The following JARID2 variants were observed in gnomAD, a reference collection of about 807,000 sequenced individuals.
JARID2 encodes protein Jumonji.
Under a neutral mutation model 125.6 loss-of-function variants are expected in JARID2, and 21 were observed. That is an observed-to-expected ratio of 0.17 (90% CI 0.12 to 0.24). The LOEUF (loss-of-function observed/expected upper bound fraction) is 0.24, where lower values mean the gene tolerates loss of function less well. Ranked by LOEUF, JARID2 falls within the 10% of genes least tolerant of loss-of-function variation. The pLI, the probability that JARID2 is intolerant of heterozygous loss-of-function variation, is 1.00. For missense variants in JARID2, 1,303 were observed against 1,639.6 expected (o/e 0.79, Z 3.55); for synonymous variants, 736 against 661.6 (o/e 1.11, Z -1.73).
intron 2 of JARID2, among the ~76,000 whole-genome samples, chr6:15,402,861 G>C (rs1353705998): frequency 6.6e-6 from 1 of 152,102 alleles, no homozygotes; most frequent in Admixed American, 6.6e-5. Flanking sequence ...GTGTTTGACT[G>C]GGTTGTCAGT....
intron 1 of JARID2, among the ~76,000 whole-genome samples, chr6:15,274,916 A>T (rs909929671): frequency 2.6e-5 from 4 of 152,132 alleles, no homozygotes; most frequent in Non-Finnish European, 5.9e-5. Context: ...AGCCTTCTGG[A>T]ATGTTCTTTC....
chr6:15,468,937 TA>T (rs1768881891), intron 5 of JARID2, among the ~76,000 whole-genome samples: 1 of 152,056 alleles, frequency 6.6e-6, no homozygotes, highest in Non-Finnish European at 1.5e-5. Context: ...GAGATGATGG[TA>T]AATTCTATAA....
chr6:15,519,880 G>A (rs1194282017), intron 17 of JARID2, among the ~76,000 whole-genome samples, 189 bp from the exon 18 acceptor site: 1 of 152,124 alleles, frequency 6.6e-6, no homozygotes, highest in Non-Finnish European at 1.5e-5. Flanking sequence ...CTGCTATGTG[G>A]CATCAGGAGG....
chr6:15,273,585 C>T (rs1257512500), intron 1 of JARID2, among the ~76,000 whole-genome samples: 1 of 152,162 alleles, frequency 6.6e-6, no homozygotes, highest in Non-Finnish European at 1.5e-5. Flanking sequence ...CCTGTAATCC[C>T]AGCTACTTGG....
rs56268949 is a variant in JARID2, at chr6:15,486,806, C to CTTTTTTTTTTTTTTTTT, written c.671-499_671-483dup. 5.4e-4 allele frequency among the ~76,000 whole-genome samples: 54 copies of CTTTTTTTTTTTTTTTTT among 100,526 alleles called. 8 individuals are homozygous for CTTTTTTTTTTTTTTTTT. The highest frequency in any genetic ancestry group is 1.6e-3 in the African/African-American group (33 of 20,922). The allele number at this position is 100,526 out of a possible 152,430, so 65.9% of individuals were successfully genotyped here. ...CATCTCTTTTAAATCTGAGAATAGA[C>CTTTTTTTTTTTTTTTTT]TTTTTTTTTTTTTTTTTTGAGACAG... On this transcript the variant is annotated intron_variant, in intron 5 of 17. Transcript: ENST00000341776.
chr6:15,266,801 C>A (rs1760100454), intron 1 of JARID2, among the ~76,000 whole-genome samples: 1 of 152,120 alleles, frequency 6.6e-6, no homozygotes, highest in Non-Finnish European at 1.5e-5. Flanking sequence ...CCCAGGAGAC[C>A]TCGCCAGTGG....
At chr6:15,429,154 C>T (rs955855460) in intron 3 of JARID2, among the ~76,000 whole-genome samples, 1 of 152,046 alleles carries the variant, frequency 6.6e-6, no homozygotes, top group African/African-American at 2.4e-5. Flanking sequence ...TTTGTATCCC[C>T]AATGGTGGCA....
intron 2 of JARID2, among the ~76,000 whole-genome samples, chr6:15,393,773 G>C (rs1002066786): frequency 1.3e-5 from 2 of 152,150 alleles, no homozygotes; most frequent in Admixed American, 1.3e-4. Context: ...ATAAGAGGAG[G>C]AGGATTCTAG....
chr6:15,496,161 G>A lies in JARID2; in HGVS notation c.936G>A (p.Met312Ile), dbSNP rs1770409350. 1.9e-6 allele frequency: 3 copies of A among 1,613,438 alleles called. No homozygotes were observed. In the African/African-American group the frequency reaches 4.0e-5, roughly 22 times the overall value. Residue 312 changes from methionine (M) to isoleucine (I), a missense_variant, in exon 7 of 18, where the codon ATG (methionine) becomes ATA (isoleucine). Met to Ile is a conservative substitution (Grantham distance 10). Coordinates refer to ENST00000341776, the MANE Select transcript of JARID2 (RefSeq NM_004973.4). Reference sequence around the variant, plus strand: ...CTAAGGTAAACGGAGTCACTCGAATGTCATCTCTGGGTGCAGGTGTAACCA... The same window carrying A: ...CTAAGGTAAACGGAGTCACTCGAATATCATCTCTGGGTGCAGGTGTAACCA... ...QVSKVNGVTR[M>I]SSLGAGVTSA...
intron 1 of JARID2, among the ~76,000 whole-genome samples, chr6:15,311,282 A>G (rs1370290748): frequency 6.6e-6 from 1 of 152,192 alleles, no homozygotes; most frequent in Admixed American, 6.5e-5. Context: ...TTTACATTAG[A>G]AAAAGTCTGA....
rs1231503885 is a variant in JARID2, at chr6:15,246,433, A to G, written c.-107A>G. On this transcript the variant is annotated 5_prime_UTR_variant, in exon 1 of 18. Coordinates refer to ENST00000341776, the MANE Select transcript of JARID2 (RefSeq NM_004973.4). The stretch of plus-strand genomic sequence containing the variant: ...GAAAAGTCGGATTACAAGATCAACC[A>G]CCACCAACAACAATAAAAACCACCA... The G allele has an allele frequency of 1.4e-5, 12 of 873,412 alleles. No homozygotes were observed. Among genetic ancestry groups the G allele is most frequent in the Non-Finnish European group, 1.9e-5 (10 of 538,010 alleles). 54.1% of individuals were successfully genotyped at this position (873,412 alleles called of 1,614,324 possible).
At chr6:15,269,908 A>C (rs190808487) in intron 1 of JARID2, among the ~76,000 whole-genome samples, 103 of 152,280 alleles carry the variant, frequency 6.8e-4, no homozygotes, top group Non-Finnish European at 2.1e-4. Flanking sequence ...TTTGCTGGGA[A>C]ATTGGTTAGC....
chr6:15,348,657 C>A (rs907919570), intron 1 of JARID2, among the ~76,000 whole-genome samples: 3 of 152,032 alleles, frequency 2.0e-5, no homozygotes, highest in African/African-American at 4.8e-5. Flanking sequence ...GCTTTCTTCT[C>A]GAGTATAAAA....
chr6:15,264,188 C>T (rs998998421), intron 1 of JARID2, among the ~76,000 whole-genome samples: 1 of 152,054 alleles, frequency 6.6e-6, no homozygotes, highest in Non-Finnish European at 1.5e-5. Flanking sequence ...GTGCGTGTTC[C>T]GATTCTGTAG....
chr6:15,351,757 C>T (rs1763435793), intron 1 of JARID2, among the ~76,000 whole-genome samples: 1 of 152,120 alleles, frequency 6.6e-6, no homozygotes, highest in Admixed American at 6.5e-5. Flanking sequence ...GAGGCACACA[C>T]TTTTGTGCAG....
chr6:15,279,238 C>G (rs1182613075), intron 1 of JARID2, among the ~76,000 whole-genome samples: 2 of 152,064 alleles, frequency 1.3e-5, no homozygotes, highest in Admixed American at 6.6e-5. Flanking sequence ...TTCTGACTCA[C>G]AGCTAGGATT....
intron 2 of JARID2, among the ~76,000 whole-genome samples, chr6:15,391,970 A>C (rs1765027877): frequency 6.6e-6 from 1 of 151,742 alleles, no homozygotes; most frequent in East Asian, 1.9e-4. Flanking sequence ...TTCTGGAGGA[A>C]ATGTGCCCTT....
At chr6:15,426,695 G>A (rs1766742507) in intron 3 of JARID2, among the ~76,000 whole-genome samples, 1 of 152,174 alleles carries the variant, frequency 6.6e-6, no homozygotes, top group African/African-American at 2.4e-5. Context: ...CTTCACCTTA[G>A]TAAATGAAAA....
rs373605408 is a variant in JARID2, at chr6:15,285,535, C to G, written c.45+38951C>G. ...AGTTAAACATCTGGTCATAGAATGA[C>G]TTAAAAATGACAAATAAGGAAAAAA... On this transcript the variant is annotated intron_variant, in intron 1 of 17. Transcript: ENST00000341776. Among the ~76,000 whole-genome samples the G allele has an allele frequency of 9.2e-5, 14 of 151,930 alleles. No individual in the cohort carries two copies. The East Asian group carries it at 1.9e-3, about 21-fold the overall frequency.
Sources: gnomAD v4.1 joint callset for allele counts (sites outside exome capture counted in the v4.1 genomes callset) on GRCh38, gnomAD v4.1.1 for gene constraint, MANE v1.5 for transcripts, NCBI Gene and HGNC (gene_info 2026-07-23, HGNC 2026-07-21) for gene names.